SLC45A4: variants seen among roughly 807,000 people sequenced by gnomAD.
The protein encoded by SLC45A4 is solute carrier family 45 member 4.
Under a neutral mutation model 63.7 loss-of-function variants are expected in SLC45A4, and 32 were observed. The ratio of observed to expected loss-of-function variants is 0.50; its 90% CI spans 0.38 to 0.67. The LOEUF (loss-of-function observed/expected upper bound fraction) is 0.67, where lower values mean the gene tolerates loss of function less well. Ranked by LOEUF, SLC45A4 falls within the 30% of genes least tolerant of loss-of-function variation. The pLI is 0.00. For missense variants in SLC45A4, 1,027 were observed against 1,157.7 expected (o/e 0.89, Z 1.64); for synonymous variants, 535 against 510.0 (o/e 1.05, Z -0.66).
At chr8:141,217,910 C>G in intron 5 of SLC45A4, 101 bp downstream of exon 5, 1 of 1,376,474 alleles carries the variant, frequency 7.3e-7, no homozygotes, top group Admixed American at 2.3e-5. Flanking sequence ...CCCTGACACG[C>G]GTGGGCACGA....
chr8:141,260,647 C>A (rs1403727328), intron 1 of SLC45A4, among the ~76,000 whole-genome samples: 1 of 152,190 alleles, frequency 6.6e-6, no homozygotes, highest in Non-Finnish European at 1.5e-5. Context: ...AATTCCTCGA[C>A]ACATACACCC....
intron 1 of SLC45A4, among the ~76,000 whole-genome samples, chr8:141,289,220 C>T (rs1423160508): frequency 1.3e-5 from 2 of 151,410 alleles, no homozygotes; most frequent in African/African-American, 4.9e-5. Context: ...GTGCACACTG[C>T]ACTTTCGAGA....
At chr8:141,287,157 C>A (rs775942386) in intron 1 of SLC45A4, among the ~76,000 whole-genome samples, 1 of 152,168 alleles carries the variant, frequency 6.6e-6, no homozygotes, top group African/African-American at 2.4e-5. Flanking sequence ...AAACCACACA[C>A]GAAGGTGTGT....
chr8:141,228,632 G>A (rs1414456488), intron 2 of SLC45A4: 4 of 1,076,776 alleles, frequency 3.7e-6, no homozygotes, highest in African/African-American at 1.6e-5. Flanking sequence ...AAACATCTTT[G>A]TGATGACACA....
chr8:141,216,621 C>T (rs1430963584), intron 6 of SLC45A4, among the ~76,000 whole-genome samples: 2 of 152,244 alleles, frequency 1.3e-5, no homozygotes, highest in Non-Finnish European at 2.9e-5. Context: ...GCCCGATTCA[C>T]ACTCGGCTCA....
chr8:141,290,817 T>C (rs1342051300), intron 1 of SLC45A4, among the ~76,000 whole-genome samples: 1 of 152,212 alleles, frequency 6.6e-6, no homozygotes, highest in Non-Finnish European at 1.5e-5. Flanking sequence ...GGGAGGATCT[T>C]TCCTGGACAC....
chr8:141,280,560 C>T (rs1829894796), intron 1 of SLC45A4, among the ~76,000 whole-genome samples: 1 of 152,136 alleles, frequency 6.6e-6, no homozygotes, highest in Non-Finnish European at 1.5e-5. Context: ...GAGGCCGGCT[C>T]TGAGGGCAGT....
intron 1 of SLC45A4, among the ~76,000 whole-genome samples, chr8:141,306,885 T>TTC (rs1420267131): frequency 6.6e-6 from 1 of 152,116 alleles, no homozygotes; most frequent in Non-Finnish European, 1.5e-5. Flanking sequence ...ACTCATCTGG[T>TTC]AAACCCTCCT....
chr8:141,262,878 G>A (rs1157832920), intron 1 of SLC45A4, among the ~76,000 whole-genome samples: 4 of 150,726 alleles, frequency 2.7e-5, no homozygotes, highest in Non-Finnish European at 5.9e-5. Flanking sequence ...ATACCCAAAG[G>A]ACTATAAATC....
At chr8:141,304,242 C>CA (rs1405583074) in intron 1 of SLC45A4, among the ~76,000 whole-genome samples, 3 of 150,728 alleles carry the variant, frequency 2.0e-5, no homozygotes, top group African/African-American at 4.9e-5. Flanking sequence ...GCTTGGGCAA[C>CA]ACAGTGAGAC....
rs1172700187 is a variant in SLC45A4, at chr8:141,262,563, C to G, written c.-400-7934G>C. ...TCAAAAAGTGGGTGAAGGATATGAA[C>G]AGACACTTCTCAAAAGAAGACATTT... On this transcript the variant is annotated intron_variant, in intron 1 of 8. Coordinates refer to ENST00000517878, the MANE Select transcript of SLC45A4 (RefSeq NM_001286646.2). Among the ~76,000 whole-genome samples the G allele has an allele frequency of 2.8e-4, 42 of 151,532 alleles. No individual in the cohort carries two copies. The East Asian group carries it at 7.0e-3, about 25-fold the overall frequency.
intron 2 of SLC45A4, among the ~76,000 whole-genome samples, chr8:141,236,542 T>C (rs1827633791): frequency 6.6e-6 from 1 of 152,226 alleles, no homozygotes; most frequent in South Asian, 2.1e-4. Flanking sequence ...CAAATCCTAT[T>C]AACATACTAT....
Position 141,210,739 on chromosome 8 carries a change from T to C in SLC45A4, c.*833A>G, listed in dbSNP as rs1190016998. On this transcript the variant is annotated 3_prime_UTR_variant, in exon 9 of 9. Transcript: ENST00000517878. ...TTCTCATGCATTTCAAAGTACTTTATTTAAAAAACAACTTGAGGCAGCAAA... is the reference window on the plus strand; with the variant it reads ...TTCTCATGCATTTCAAAGTACTTTACTTAAAAAACAACTTGAGGCAGCAAA... The C allele has an allele frequency of 1.3e-5, 2 of 152,230 alleles. No homozygotes were observed. Among genetic ancestry groups the C allele is most frequent in the African/African-American group, 4.8e-5 (2 of 41,464 alleles). The allele number at this position is 152,230 out of a possible 1,614,324, so 9.4% of individuals were successfully genotyped here.
At position 141,221,716 on chromosome 8, in the gene SLC45A4, A is replaced by C. The variant is rs149956936; in HGVS notation, c.291T>G (p.Leu97=). The C allele has an allele frequency of 1.2e-6, 2 of 1,613,966 alleles. No homozygotes were observed. The highest frequency in any genetic ancestry group is 2.2e-5 in the East Asian group (1 of 44,898). ...CAATGAGAGGTGTGAAGATGAGGCC[A>C]AGGATGGGGCTCAGGAACCAGGTGA... ...YSLTWFLSPI[L]GLIFTPLIGS... Residue 97 remains leucine, a synonymous_variant, in exon 3 of 9, where the codon CTT becomes CTG. Coordinates refer to ENST00000517878, the MANE Select transcript of SLC45A4 (RefSeq NM_001286646.2).
rs1412918735 is a variant in SLC45A4, at chr8:141,227,341, AGTG to A, written c.242-5579_242-5577del. On this transcript the variant is annotated intron_variant, in intron 2 of 8. Transcript: ENST00000517878. The surrounding 1 kb of genome is among the most constrained non-coding windows in gnomAD (Gnocchi z 4.4). ...CTGGCGGGGGGTGGGGAGGGCAAGG[AGTG>A]GGAAAGTCGCCTATAAATGTTTAAC... 6.6e-6 allele frequency among the ~76,000 whole-genome samples: 1 copy of A among 152,072 alleles called. No individual in the cohort carries two copies. The highest frequency in any genetic ancestry group is 2.4e-5 in the African/African-American group (1 of 41,394).
chr8:141,264,390 T>C (rs1264970727), intron 1 of SLC45A4, among the ~76,000 whole-genome samples: 3 of 152,166 alleles, frequency 2.0e-5, no homozygotes, highest in Non-Finnish European at 2.9e-5. Flanking sequence ...GTCCCACCCA[T>C]GTGCCTGTCT....
In SLC45A4 at chr8:141,215,639, G is replaced by C. The variant is rs1182189853; in HGVS notation, c.1941+120C>G. 12 of 1,002,364 alleles carry C rather than the reference G, an allele frequency of 1.2e-5. No individual in the cohort carries two copies. The highest frequency in any genetic ancestry group is 2.9e-5 in the South Asian group (2 of 68,310). The allele number at this position is 1,002,364 out of a possible 1,614,324, so 62.1% of individuals were successfully genotyped here. On this transcript the variant is annotated intron_variant, in intron 7 of 8. Transcript: ENST00000517878. This position sits in a 1 kb window ranked among gnomAD's most constrained non-coding sequence, Gnocchi z 4.3. ...TGGAAGGGGCCATCTCAGAACCGGA[G>C]AGGAAGGAGGGCCATCTGTGTCGTG...
chr8:141,266,188 C>T lies in SLC45A4; in HGVS notation c.-400-11559G>A, dbSNP rs142202345. On this transcript the variant is annotated intron_variant, in intron 1 of 8. Transcript: ENST00000517878. The stretch of plus-strand genomic sequence containing the variant: ...AGCGGTCTAGCGAGTCCGGACAACA[C>T]GCGTCCGCACGGTGACCACAAACGT... 3.6e-3 allele frequency among the ~76,000 whole-genome samples: 547 copies of T among 152,320 alleles called. 7 individuals carry two copies. The highest frequency in any genetic ancestry group is 0.012 in the African/African-American group (516 of 41,566).
At chr8:141,212,114 T>C in intron 8 of SLC45A4, 83 bp downstream of exon 8, 1 of 1,435,752 alleles carries the variant, frequency 7.0e-7, no homozygotes, top group Non-Finnish European at 9.1e-7. Context: ...GTGTCTCTGC[T>C]CCCGCCCATG....
Sources: allele counts gnomAD v4.1 joint callset (sites outside exome capture counted in the v4.1 genomes callset), GRCh38; gene constraint gnomAD v4.1.1; non-coding constraint Gnocchi (gnomAD v3.1); transcripts MANE v1.5; gene names NCBI Gene and HGNC (gene_info 2026-07-23, HGNC 2026-07-21).